ATF7IP: variants seen among roughly 807,000 people sequenced by gnomAD.
The protein encoded by ATF7IP is activating transcription factor 7-interacting protein 1.
ATF7IP carries 23 observed loss-of-function variants against 106.4 expected under a neutral mutation model. The observed-to-expected ratio is 0.22, with a 90% CI of 0.16 to 0.31. ATF7IP has a LOEUF of 0.31. Among genes scored for constraint, ATF7IP ranks in the 10% least tolerant of loss-of-function variants. The pLI, the probability that ATF7IP is intolerant of heterozygous loss-of-function variation, is 1.00. For synonymous variants in ATF7IP, 542 were observed against 539.0 expected, an observed-to-expected ratio of 1.01 and a Z score of -0.08; for missense variants, 1,334 against 1,524.3, an observed-to-expected ratio of 0.88 and a Z score of 2.08.
chr12:14,376,242 C>T (rs1033743019), intron 1 of ATF7IP, among the ~76,000 whole-genome samples: 5 of 152,176 alleles, frequency 3.3e-5, no homozygotes, highest in African/African-American at 1.2e-4. Context: ...AGGATTCCTC[C>T]TTGCCCTCCT....
chr12:14,460,411 G>A (rs1310212244), intron 8 of ATF7IP, 84 bp from the exon 9 acceptor site: 1 of 1,328,746 alleles, frequency 7.5e-7, no homozygotes. Flanking sequence ...ATTACGCAAT[G>A]TATTTAATTT....
intron 1 of ATF7IP, among the ~76,000 whole-genome samples, chr12:14,366,175 T>G (rs1938285950): frequency 6.6e-6 from 1 of 152,250 alleles, no homozygotes. Flanking sequence ...ATTACTCTAA[T>G]GTTGTACTCC....
At chr12:14,475,825 C>A in intron 10 of ATF7IP, 65 bp from the exon 11 acceptor site, 1 of 1,331,454 alleles carries the variant, frequency 7.5e-7, no homozygotes, top group Non-Finnish European at 1.1e-6. Context: ...CACTTATCAT[C>A]TCATTTTTTA....
At chr12:14,422,868 C>T (rs190299262) in intron 1 of ATF7IP, among the ~76,000 whole-genome samples, 4 of 152,136 alleles carry the variant, frequency 2.6e-5, no homozygotes, top group Admixed American at 2.0e-4. Flanking sequence ...CATTTGTGTA[C>T]AAGTTTTTGT....
At chr12:14,479,257 A>G (rs1161290882) in intron 12 of ATF7IP, among the ~76,000 whole-genome samples, 1 of 152,226 alleles carries the variant, frequency 6.6e-6, no homozygotes, top group African/African-American at 2.4e-5. Context: ...GACTGATCAA[A>G]CAACAATTTT....
rs36088397 is a variant in ATF7IP at position 14,441,487 on chromosome 12, CTTTTTTTTTT to C, written c.1929+3231_1929+3240del. Among the ~76,000 whole-genome samples, 296 of 105,278 alleles carry C rather than the reference CTTTTTTTTTT, an allele frequency of 2.8e-3. 6 individuals are homozygous for C. The East Asian group carries it at 0.077, about 28-fold the overall frequency. The allele number at this position is 105,278 out of a possible 152,430, so 69.1% of individuals were successfully genotyped here. A position where few individuals can be genotyped will look rare whatever the true frequency, so the allele number is the denominator to read the frequency against. Reference sequence around the variant, plus strand: ...ATTTATATATTCTGGATACCAAAGTCTTTTTTTTTTTTTTTTTTTTGAGACGGAGTCTCCT... The same window carrying C: ...ATTTATATATTCTGGATACCAAAGTCTTTTTTTTTTGAGACGGAGTCTCCT... On this transcript the variant is annotated intron_variant, in intron 5 of 14. Coordinates refer to ENST00000261168, the MANE Select transcript of ATF7IP (RefSeq NM_018179.5).
At chr12:14,488,633 T>G (rs1372319683) in intron 13 of ATF7IP, among the ~76,000 whole-genome samples, 1 of 152,144 alleles carries the variant, frequency 6.6e-6, no homozygotes, top group Non-Finnish European at 1.5e-5. Flanking sequence ...CAAGTGACAT[T>G]TAGTATTAAC....
chr12:14,389,735 C>T (rs1261421808), intron 1 of ATF7IP, among the ~76,000 whole-genome samples: 2 of 152,150 alleles, frequency 1.3e-5, no homozygotes, highest in Admixed American at 6.5e-5. Context: ...TCAAGCAATT[C>T]TCCTGCCTCA....
At chr12:14,465,595 T>C (rs1943801645) in intron 9 of ATF7IP, among the ~76,000 whole-genome samples, 1 of 152,146 alleles carries the variant, frequency 6.6e-6, no homozygotes, top group South Asian at 2.1e-4. Flanking sequence ...TCAGATAAGG[T>C]AGGAGAAATC....
intron 5 of ATF7IP, among the ~76,000 whole-genome samples, chr12:14,445,838 T>A (rs1942931228): frequency 6.6e-6 from 1 of 152,196 alleles, no homozygotes; most frequent in Non-Finnish European, 1.5e-5. Flanking sequence ...TAGGGCCTCA[T>A]GAATACACTC....
At chr12:14,419,643 T>A (rs1197232280) in intron 1 of ATF7IP, among the ~76,000 whole-genome samples, 2 of 152,054 alleles carry the variant, frequency 1.3e-5, no homozygotes, top group East Asian at 3.8e-4. Context: ...TTGCAGAAAA[T>A]TTTGCAGTTA....
intron 1 of ATF7IP, among the ~76,000 whole-genome samples, chr12:14,398,703 C>T (rs1383356814): frequency 6.6e-6 from 1 of 151,690 alleles, no homozygotes; most frequent in African/African-American, 2.4e-5. Flanking sequence ...TTAGTTTTTT[C>T]CTGAATTATT....
chr12:14,422,363 T>G (rs998590684), intron 1 of ATF7IP, among the ~76,000 whole-genome samples: 2 of 149,988 alleles, frequency 1.3e-5, no homozygotes, highest in African/African-American at 4.9e-5. Flanking sequence ...ACACAACCTT[T>G]GTATTTATTT....
intron 11 of ATF7IP, chr12:14,476,289 G>A: frequency 1.0e-5 from 2 of 196,650 alleles, no homozygotes; most frequent in Non-Finnish European, 2.1e-5. Context: ...GCATGTGTCT[G>A]TGGTCCCAGC....
At chr12:14,423,804 A>G (rs1941673494) in intron 1 of ATF7IP, 105 bp from the exon 2 acceptor site, 3 of 1,229,914 alleles carry the variant, frequency 2.4e-6, no homozygotes, top group Non-Finnish European at 3.3e-6. Context: ...TAAACATTAC[A>G]TGAAATGTGC....
intron 5 of ATF7IP, 113 bp downstream of exon 5, chr12:14,438,380 A>G (rs1189520675): frequency 1.9e-6 from 2 of 1,062,718 alleles, no homozygotes; most frequent in Non-Finnish European, 2.6e-6. Context: ...TAAATGTAAG[A>G]AGGAAAAGGA....
chr12:14,455,357 A>T (rs979137960), intron 6 of ATF7IP, among the ~76,000 whole-genome samples: 1 of 151,936 alleles, frequency 6.6e-6, no homozygotes, highest in Non-Finnish European at 1.5e-5. Flanking sequence ...TTTATAGCAG[A>T]TTGTCTTAAT....
At chr12:14,406,131 G>A (rs1014140013) in intron 1 of ATF7IP, among the ~76,000 whole-genome samples, 1 of 152,032 alleles carries the variant, frequency 6.6e-6, no homozygotes, top group Middle Eastern at 3.2e-3. Flanking sequence ...ATGGAGTCTC[G>A]CTTTATTGCC....
At chr12:14,377,677 G>A (rs982160451) in intron 1 of ATF7IP, among the ~76,000 whole-genome samples, 31 of 151,384 alleles carry the variant, frequency 2.0e-4, no homozygotes, top group Non-Finnish European at 7.4e-5. Flanking sequence ...GCAATGGCGT[G>A]ATCTCGGCTC....
Sources: allele counts gnomAD v4.1 joint callset (sites outside exome capture counted in the v4.1 genomes callset), GRCh38; gene constraint gnomAD v4.1.1; transcripts MANE v1.5; gene names NCBI Gene and HGNC (gene_info 2026-07-23, HGNC 2026-07-21).